C11orf16: variants seen among roughly 807,000 people sequenced by gnomAD.
C11orf16 encodes chromosome 11 open reading frame 16, also known as uncharacterized protein C11orf16.
C11orf16 carries 38 observed loss-of-function variants against 45.1 expected under a neutral mutation model. That is an observed-to-expected ratio of 0.84 (90% confidence interval 0.65 to 1.10). The LOEUF (loss-of-function observed/expected upper bound fraction) is 1.10. Among genes scored for constraint, C11orf16 ranks in the 50% least tolerant of loss-of-function variants. The pLI, the probability that C11orf16 is intolerant of heterozygous loss-of-function variation, is 0.00. For missense variants in C11orf16, 583 were observed against 569.5 expected (o/e 1.02, Z -0.24); for synonymous variants, 221 against 222.0 (o/e 1.00, Z 0.04).
At chr11:8,932,392 C>T (rs1421473525) in intron 1 of C11orf16, 66 bp from the exon 2 acceptor site, 12 of 1,362,294 alleles carry the variant, frequency 8.8e-6, no homozygotes, top group Middle Eastern at 2.1e-4. Flanking sequence ...CGGGGCGAGG[C>T]AGGGCTCAGC....
At position 8,927,394 on chromosome 11, in the gene C11orf16, C is replaced by T. The variant is rs984717020; in HGVS notation, c.325-220G>A. ...TGTGCTCCCCTGAATCTCTTCCTGC[C>T]TCGGGCAACTCTTGTGGATCACTTC... is the stretch of plus-strand genomic sequence containing the variant. On this transcript the variant is annotated intron_variant, in intron 3 of 6. Transcript: ENST00000326053. The T allele has an allele frequency of 5.2e-6, 3 of 582,026 alleles. No individual in the cohort carries two copies. The African/African-American group carries it at 5.6e-5, about 11-fold the overall frequency. 36.1% of individuals were successfully genotyped at this position (582,026 alleles called of 1,614,324 possible). A position where few individuals can be genotyped will look rare whatever the true frequency, so the allele number is the denominator to read the frequency against.
intron 5 of C11orf16, among the ~76,000 whole-genome samples, chr11:8,923,358 T>C (rs1454334597): frequency 1.3e-5 from 2 of 152,298 alleles, no homozygotes; most frequent in South Asian, 4.1e-4. Flanking sequence ...TATGCTGGGC[T>C]TGGCACTGTC....
intron 4 of C11orf16, among the ~76,000 whole-genome samples, chr11:8,926,441 T>C (rs1391744221): frequency 6.6e-6 from 1 of 152,140 alleles, no homozygotes; most frequent in Non-Finnish European, 1.5e-5. Context: ...GCCAGGAACA[T>C]CCTTCACCTG....
chr11:8,926,025 G>A lies in C11orf16; in HGVS notation c.642C>T (p.Ser214=), dbSNP rs370396242. ...KVPLGGVQSV[S]LTIWKKAVER... ...CCACAGCCTTCTTCCAGATGGTCAG[G>A]GACACCGACTGGACCCCACCTAGGG... Residue 214 remains serine (S), a synonymous_variant, in exon 5 of 7, where the codon TCC becomes TCT. Coordinates refer to ENST00000326053, the MANE Select transcript of C11orf16 (RefSeq NM_020643.3). The A allele has an allele frequency of 4.3e-6, 7 of 1,613,968 alleles. No homozygotes were observed. The East Asian group carries it at 1.1e-4, about 26-fold the overall frequency.
intron 5 of C11orf16, among the ~76,000 whole-genome samples, chr11:8,925,094 G>A (rs564171436): frequency 6.6e-6 from 1 of 152,298 alleles, no homozygotes; most frequent in Admixed American, 6.5e-5. Flanking sequence ...AACACCTGGA[G>A]GCATTTGGAC....
At chr11:8,922,154 T>C (rs1309339941) in intron 5 of C11orf16, among the ~76,000 whole-genome samples, 1 of 152,120 alleles carries the variant, frequency 6.6e-6, no homozygotes, top group Non-Finnish European at 1.5e-5. Context: ...TTCGACACCT[T>C]CACTGATCAC....
At chr11:8,927,569 C>T (rs769231008) in intron 3 of C11orf16, 53 of 457,938 alleles carry the variant, frequency 1.2e-4, no homozygotes, top group Admixed American at 2.6e-4. Context: ...AAGCGTCGCT[C>T]CTGTGTCCAA....
At chr11:8,931,382 C>T (rs1448174035) in intron 2 of C11orf16, among the ~76,000 whole-genome samples, 1 of 151,912 alleles carries the variant, frequency 6.6e-6, no homozygotes, top group African/African-American at 2.4e-5. Flanking sequence ...TGCCACCACG[C>T]CCAGCTAATT....
intron 5 of C11orf16, among the ~76,000 whole-genome samples, chr11:8,924,056 T>G (rs2568078): frequency 0.2 from 30,143 of 151,930 alleles, 3,597 homozygotes; most frequent in Middle Eastern, 0.36. Flanking sequence ...GCTGGGCCTA[T>G]GAGAGATAGG....
chr11:8,920,413 A>G lies in C11orf16; in HGVS notation c.*60T>C, dbSNP rs553673408. 1.3e-4 allele frequency: 91 copies of G among 683,294 alleles called. No homozygotes were observed. The highest frequency in any genetic ancestry group is 6.9e-4 in the South Asian group (44 of 63,910). The allele number at this position is 683,294 out of a possible 1,614,324, so 42.3% of individuals were successfully genotyped here. ...AAGAAGGCCTTGTCAGCCACTCTGT[A>G]TAACTCTCCTCGAATATTTACCATG... On this transcript the variant is annotated 3_prime_UTR_variant, in exon 7 of 7. Coordinates refer to ENST00000326053, the MANE Select transcript of C11orf16 (RefSeq NM_020643.3).
At position 8,929,404 on chromosome 11, in the gene C11orf16, G is replaced by A. The variant is rs1302217135; in HGVS notation, c.297C>T (p.Tyr99=). 1.2e-6 allele frequency: 2 copies of A among 1,614,048 alleles called. No homozygotes were observed. Among genetic ancestry groups the A allele is most frequent in the African/African-American group, 1.3e-5 (1 of 75,024 alleles). ...CGGGAGTGGCCTTTATTTGGGCCCG[G>A]TAGTAAAAACCATCTGCTTCCCTTC... is the stretch of plus-strand genomic sequence containing the variant. ...LARREADGFY[Y]RAQIKATPEL... Residue 99 remains tyrosine, a synonymous_variant, in exon 3 of 7, where the codon TAC becomes TAT. Coordinates refer to ENST00000326053, the MANE Select transcript of C11orf16 (RefSeq NM_020643.3).
At chr11:8,927,745 T>A (rs747559095) in intron 3 of C11orf16, 1 of 435,328 alleles carries the variant, frequency 2.3e-6, no homozygotes, top group South Asian at 1.6e-5. Flanking sequence ...AGAACAGTGC[T>A]GCAGCTACTT....
chr11:8,924,559 C>T (rs1226563147), intron 5 of C11orf16, among the ~76,000 whole-genome samples: 2 of 151,704 alleles, frequency 1.3e-5, no homozygotes, highest in Non-Finnish European at 2.9e-5. Context: ...ACAACAAAAA[C>T]CCTCATGGGC....
intron 5 of C11orf16, 41 bp downstream of exon 5, chr11:8,925,422 C>T (rs1378673736): frequency 6.4e-7 from 1 of 1,573,112 alleles, no homozygotes; most frequent in African/African-American, 1.4e-5. Context: ...GGCGGGGCCC[C>T]AGCCCCTGCC....
chr11:8,929,316 T>TC, intron 3 of C11orf16, 61 bp downstream of exon 3: 1 of 1,540,116 alleles, frequency 6.5e-7, no homozygotes, highest in Non-Finnish European at 8.8e-7. Flanking sequence ...CTAAGGCATG[T>TC]CAGGTATGAC....
rs781128237 is a variant in C11orf16, at chr11:8,921,532, A to G, written c.1205-17T>C. ...ATCTTGTTCCTAAACCCAAAAGTCA[A>G]TTACTTAGGTTGAATATGCCACCAT... On this transcript the variant is annotated splice_polypyrimidine_tract_variant and intron_variant, in intron 5 of 6. Coordinates refer to ENST00000326053, the MANE Select transcript of C11orf16 (RefSeq NM_020643.3). The G allele has an allele frequency of 6.2e-6, 10 of 1,611,974 alleles. No homozygotes were observed. The highest frequency in any genetic ancestry group is 1.7e-4 in the Middle Eastern group (1 of 6,058).
chr11:8,922,795 G>T (rs1188113963), intron 5 of C11orf16, among the ~76,000 whole-genome samples: 2 of 152,230 alleles, frequency 1.3e-5, no homozygotes, highest in African/African-American at 4.8e-5. Context: ...AAAACCTGGA[G>T]GGGAGAAAAG....
In C11orf16 at chr11:8,925,712, C is replaced by G; in HGVS notation, c.955G>C (p.Glu319Gln). The part of the protein sequence containing the change: ...LEPTAQLLPL[E>Q]GPKEEKVAMH... ...GCTACTTTCTCCTCTTTAGGACCTT[C>G]CAGGGGCAAAAGCTGTGCTGTGGGC... The change falls in exon 5 of 7, where the codon GAA (glutamate) becomes CAA (glutamine). Residue 319 changes from glutamate to glutamine, a missense_variant. Transcript: ENST00000326053. 1 of 1,614,062 alleles carries G rather than the reference C, an allele frequency of 6.2e-7. No individual in the cohort carries two copies. The highest frequency in any genetic ancestry group is 8.5e-7 in the Non-Finnish European group (1 of 1,179,890).
In C11orf16 at chr11:8,924,134, G is replaced by A. The variant is rs539394356; in HGVS notation, c.1204+1329C>T. ...CTCCCCACCCCTCCCAAAGCCCAGG[G>A]GTTCAGAGGAGTCACCAGGAAAGCT... On this transcript the variant is annotated intron_variant, in intron 5 of 6. Coordinates refer to ENST00000326053, the MANE Select transcript of C11orf16 (RefSeq NM_020643.3). Among the ~76,000 whole-genome samples, 10 of 152,142 alleles carry A rather than the reference G, an allele frequency of 6.6e-5. No individual in the cohort carries two copies. The East Asian group carries it at 1.7e-3, about 26-fold the overall frequency.
Sources: gnomAD v4.1 joint callset for allele counts (sites outside exome capture counted in the v4.1 genomes callset) on GRCh38, gnomAD v4.1.1 for gene constraint, MANE v1.5 for transcripts, NCBI Gene and HGNC (gene_info 2026-07-23, HGNC 2026-07-21) for gene names.